Variants in UBE3B observed in about 807,000 individuals in gnomAD.
UBE3B encodes ubiquitin protein ligase E3B, also known as ubiquitin-protein ligase E3B.
Under a neutral mutation model 132.3 loss-of-function variants are expected in UBE3B, and 80 were observed. The ratio of observed to expected loss-of-function variants is 0.60; its 90% CI spans 0.50 to 0.73. UBE3B has a LOEUF of 0.73. Ranked by LOEUF, UBE3B falls within the 30% of genes least tolerant of loss-of-function variation. UBE3B has a pLI of 0.00. For synonymous variants in UBE3B, 487 were observed against 520.4 expected, an observed-to-expected ratio of 0.94 and a Z score of 0.87; for missense variants, 1,196 against 1,362.5, an observed-to-expected ratio of 0.88 and a Z score of 1.92.
intron 24 of UBE3B, among the ~76,000 whole-genome samples, chr12:109,527,120 T>A (rs1882430868): frequency 6.6e-6 from 1 of 152,088 alleles, no homozygotes; most frequent in Non-Finnish European, 1.5e-5. Flanking sequence ...TATAAAACAG[T>A]GTTCTTGAGA....
chr12:109,488,642 C>T lies in UBE3B; in HGVS notation c.518C>T (p.Ser173Leu). The change falls in exon 7 of 28, where the codon TCA (serine) becomes TTA (leucine). Residue 173 changes from serine to leucine, a missense_variant. By Grantham distance (145) the Ser-to-Leu change is moderately radical. Coordinates refer to ENST00000342494, the MANE Select transcript of UBE3B (RefSeq NM_130466.4). ...LTMLVTFTDT[S>L]TWKILRGKGE... ...ATGCTTGTCACCTTCACAGACACTT[C>T]AACGTGGAAAATTCTTCGGGGAAAA... 1 of 1,614,138 alleles carries T rather than the reference C, an allele frequency of 6.2e-7. No homozygotes were observed. The highest frequency in any genetic ancestry group is 8.5e-7 in the Non-Finnish European group (1 of 1,179,984).
chr12:109,538,603 C>T (rs2136171364), downstream of UBE3B, among the ~76,000 whole-genome samples: 1 of 152,336 alleles, frequency 6.6e-6, no homozygotes, highest in South Asian at 2.1e-4. The surrounding 1 kb of genome is among the most constrained non-coding windows in gnomAD (Gnocchi z 4.1). Context: ...CCTACATTTC[C>T]TCACCTTTCA....
chr12:109,494,295 T>A (rs999769788), intron 9 of UBE3B, among the ~76,000 whole-genome samples: 3 of 152,320 alleles, frequency 2.0e-5, no homozygotes, highest in Admixed American at 1.3e-4. Context: ...GTTGGACACA[T>A]TTTTGTATTC....
chr12:109,526,964 T>TCTA (rs1008535949), intron 24 of UBE3B, among the ~76,000 whole-genome samples: 3 of 152,144 alleles, frequency 2.0e-5, no homozygotes, highest in African/African-American at 7.2e-5. Context: ...GCCACGGTGT[T>TCTA]CTTAGGAGTT....
Position 109,524,173 on chromosome 12 carries a change from G to A in UBE3B, c.2502+58G>A, listed in dbSNP as rs902056917. ...GCACTGGTGTGAACTCACAGCTTGC[G>A]AAGTCCCAGAAGGAGATGGCCTGTC... On this transcript the variant is annotated intron_variant, in intron 22 of 27. Coordinates refer to ENST00000342494, the MANE Select transcript of UBE3B (RefSeq NM_130466.4). 1.1e-5 allele frequency: 17 copies of A among 1,604,114 alleles called. No individual in the cohort carries two copies. The South Asian group carries it at 1.1e-4, about 10-fold the overall frequency.
downstream of UBE3B, among the ~76,000 whole-genome samples, chr12:109,539,540 C>G (rs1490663299): frequency 1.3e-5 from 2 of 152,222 alleles, no homozygotes; most frequent in African/African-American, 2.4e-5. Context: ...GTTTCCTCTT[C>G]CATGAAACGA....
At chr12:109,482,065 T>A (rs1875551267) in intron 2 of UBE3B, among the ~76,000 whole-genome samples, 1 of 152,204 alleles carries the variant, frequency 6.6e-6, no homozygotes, top group African/African-American at 2.4e-5. Flanking sequence ...GGGTATTATT[T>A]TATTGTCCTT....
In UBE3B at chr12:109,521,649, C is replaced by G; in HGVS notation, c.2364+98C>G. On this transcript the variant is annotated intron_variant, in intron 21 of 27. Transcript: ENST00000342494. The surrounding 1 kb of genome is among the most constrained non-coding windows in gnomAD (Gnocchi z 4.2). The stretch of plus-strand genomic sequence containing the variant: ...ATGTGATCAGGCTTGGCCATGTAAA[C>G]TGTCACTAGGATACAAGCGAGGACA... 1 of 1,140,676 alleles carries G rather than the reference C, an allele frequency of 8.8e-7. No homozygotes were observed. Among genetic ancestry groups the G allele is most frequent in the Non-Finnish European group, 1.2e-6 (1 of 819,526 alleles). The allele number at this position is 1,140,676 out of a possible 1,614,324, so 70.7% of individuals were successfully genotyped here. A position where few individuals can be genotyped will look rare whatever the true frequency, so the allele number is the denominator to read the frequency against.
chr12:109,483,303 T>G (rs947561991), intron 2 of UBE3B, among the ~76,000 whole-genome samples: 1 of 152,170 alleles, frequency 6.6e-6, no homozygotes, highest in South Asian at 2.1e-4. Context: ...TAAGAAGATG[T>G]GATTATTTAA....
intron 9 of UBE3B, among the ~76,000 whole-genome samples, chr12:109,497,202 CA>C (rs1437210247): frequency 6.6e-6 from 1 of 151,872 alleles, no homozygotes; most frequent in Non-Finnish European, 1.5e-5. Flanking sequence ...CATAATTCTA[CA>C]ACCAGAGATA....
the UBE3B span, among the ~76,000 whole-genome samples, chr12:109,542,724 C>G: frequency 6.6e-6 from 1 of 152,212 alleles, no homozygotes; most frequent in Non-Finnish European, 1.5e-5. Context: ...CCAGCCATCA[C>G]CCATAGCCAG....
chr12:109,530,453 G>T, intron 25 of UBE3B, 94 bp from the exon 26 acceptor site: 3 of 1,020,422 alleles, frequency 2.9e-6, no homozygotes, highest in South Asian at 1.4e-5. Context: ...AGGCCTGCCA[G>T]AGTGGACCGT....
intron 11 of UBE3B, among the ~76,000 whole-genome samples, chr12:109,499,413 C>T (rs375692065): frequency 1.5e-4 from 23 of 152,346 alleles, no homozygotes; most frequent in African/African-American, 5.5e-4. Context: ...TTGACGGCCA[C>T]GGCTCACCTT....
rs768976555 is a variant in UBE3B at position 109,524,130 on chromosome 12, G to A, written c.2502+15G>A. 1.5e-5 allele frequency: 24 copies of A among 1,613,934 alleles called. No homozygotes were observed. The Admixed American group carries it at 1.8e-4, about 12-fold the overall frequency. On this transcript the variant is annotated intron_variant, in intron 22 of 27. Coordinates refer to ENST00000342494, the MANE Select transcript of UBE3B (RefSeq NM_130466.4). ...CCTCCATCAAGGTGAGCATGGAATG[G>A]TGGGTGAGCTAAGCCGAGCACTGGT...
At chr12:109,539,041 T>C (rs1379871709), downstream of UBE3B, among the ~76,000 whole-genome samples, 1 of 152,072 alleles carries the variant, frequency 6.6e-6, no homozygotes, top group Non-Finnish European at 1.5e-5. Flanking sequence ...TTCCAGACCA[T>C]CCTGGCCAAT....
chr12:109,532,805 C>A (rs1359569789), intron 26 of UBE3B, among the ~76,000 whole-genome samples: 1 of 152,194 alleles, frequency 6.6e-6, no homozygotes, highest in Non-Finnish European at 1.5e-5. Flanking sequence ...CTCACTGGCT[C>A]TGGGGCCTCA....
chr12:109,530,507 C>T lies in UBE3B; in HGVS notation c.2811-40C>T, dbSNP rs368805878. ...CTGCCTGCCTGTCCATAAGTGCCCA[C>T]GCTAGCACATTGCTGAGCCCAGGTC... is the stretch of plus-strand genomic sequence containing the variant. On this transcript the variant is annotated intron_variant, in intron 25 of 27. Coordinates refer to ENST00000342494, the MANE Select transcript of UBE3B (RefSeq NM_130466.4). 9.9e-5 allele frequency: 157 copies of T among 1,583,634 alleles called. No homozygotes were observed. The African/African-American group carries it at 1.3e-3, about 13-fold the overall frequency.
At chr12:109,509,532 C>T in intron 15 of UBE3B, 64 bp from the exon 16 acceptor site, 1 of 1,036,506 alleles carries the variant, frequency 9.6e-7, no homozygotes, top group South Asian at 1.5e-5. Flanking sequence ...GTAAGCAGTA[C>T]AGATTTTTTT....
chr12:109,528,948 C>G (rs1345612902), intron 24 of UBE3B, among the ~76,000 whole-genome samples: 1 of 152,116 alleles, frequency 6.6e-6, no homozygotes, highest in Non-Finnish European at 1.5e-5. Flanking sequence ...CACCCGAGGT[C>G]AGGAGTTTGA....
Sources: allele counts gnomAD v4.1 joint callset (sites outside exome capture counted in the v4.1 genomes callset), GRCh38; gene constraint gnomAD v4.1.1; non-coding constraint Gnocchi (gnomAD v3.1); transcripts MANE v1.5; gene names NCBI Gene and HGNC (gene_info 2026-07-23, HGNC 2026-07-21).